MORC1: variants seen among roughly 807,000 people sequenced by gnomAD.
MORC1 encodes the protein MORC family CW-type zinc finger protein 1.
MORC1 carries 59 observed loss-of-function variants against 134.9 expected under a neutral mutation model. That is an observed-to-expected ratio of 0.44 (90% confidence interval 0.35 to 0.54). The LOEUF is 0.54. Ranked by LOEUF, MORC1 falls within the 20% of genes least tolerant of loss-of-function variation. MORC1 has a pLI of 0.00. For missense variants in MORC1, 947 were observed against 1,134.5 expected, an observed-to-expected ratio of 0.83 and a Z score of 2.37; for synonymous variants, 395 against 391.7, an observed-to-expected ratio of 1.01 and a Z score of -0.10.
intron 8 of MORC1, among the ~76,000 whole-genome samples, chr3:109,085,689 G>T (rs1477759809): frequency 6.6e-6 from 1 of 152,036 alleles, no homozygotes; most frequent in Non-Finnish European, 1.5e-5. Flanking sequence ...CCATTTTGGA[G>T]AATAGTATGA....
At position 109,056,589 on chromosome 3, in the gene MORC1, T is replaced by C. The variant is rs144009534; in HGVS notation, c.1175+754A>G. 9.7e-3 allele frequency among the ~76,000 whole-genome samples: 1,481 copies of C among 152,376 alleles called. 20 individuals are homozygous for C. The highest frequency in any genetic ancestry group is 0.037 in the South Asian group (178 of 4,832). On this transcript the variant is annotated intron_variant, in intron 13 of 27. Coordinates refer to ENST00000232603, the MANE Select transcript of MORC1 (RefSeq NM_014429.4). ...ATACAATATAAAAAATATGCATTTA[T>C]ATGCTTGTCCTTTTCACTGGACTAT...
chr3:108,981,518 A>G (rs1347608258), intron 23 of MORC1, among the ~76,000 whole-genome samples: 1 of 152,158 alleles, frequency 6.6e-6, no homozygotes, highest in Non-Finnish European at 1.5e-5. Flanking sequence ...TTCTTTAACC[A>G]TTTTAGGGAT....
chr3:109,069,639 T>C lies in MORC1; in HGVS notation c.808A>G (p.Arg270Gly). 6.3e-7 allele frequency: 1 copy of C among 1,595,026 alleles called. No individual in the cohort carries two copies. Among genetic ancestry groups the C allele is most frequent in the Non-Finnish European group, 8.6e-7 (1 of 1,168,304 alleles). ...TGAAGAAAGATGAGTTACCTGGGTCTGTAGAGGCAATAGCAAAGATGTTTA... is the reference window on the plus strand; with the variant it reads ...TGAAGAAAGATGAGTTACCTGGGTCCGTAGAGGCAATAGCAAAGATGTTTA... The part of the protein sequence containing the change: ...KTKHLCYCLY[R>G]PRKYLYVTSS... Residue 270 changes from arginine to glycine, a missense_variant, in exon 9 of 28, where the codon AGA becomes GGA. Physicochemically the swap from Arg to Gly is moderately radical, Grantham distance 125. Coordinates refer to ENST00000232603, the MANE Select transcript of MORC1 (RefSeq NM_014429.4).
chr3:109,099,607 A>ATTT, intron 5 of MORC1, 141 bp from the exon 6 acceptor site: 3 of 470,348 alleles, frequency 6.4e-6, no homozygotes, highest in African/African-American at 2.1e-5. Flanking sequence ...AGAGGGTACA[A>ATTT]TTTTTTTTTT....
At chr3:109,107,042 C>T (rs1325054460) in intron 3 of MORC1, among the ~76,000 whole-genome samples, 1 of 152,184 alleles carries the variant, frequency 6.6e-6, no homozygotes, top group Non-Finnish European at 1.5e-5. Context: ...AAACACTCCC[C>T]TTGAACAAAT....
chr3:108,971,329 C>G lies in MORC1; in HGVS notation c.2550+1G>C. The G allele has an allele frequency of 6.2e-7, 1 of 1,612,922 alleles. No homozygotes were observed. The highest frequency in any genetic ancestry group is 8.5e-7 in the Non-Finnish European group (1 of 1,179,246). ...CACAGTTCCAAAAAAAACCAGCTTA[C>G]CTCACAACTTAATGCAGGTTCTTCC... On this transcript the variant is annotated splice_donor_variant, in intron 25 of 27. Transcript: ENST00000232603. LOFTEE classifies it high-confidence loss of function.
chr3:108,990,722 C>G (rs987134748), intron 21 of MORC1, among the ~76,000 whole-genome samples: 2 of 152,000 alleles, frequency 1.3e-5, no homozygotes, highest in Non-Finnish European at 2.9e-5. Context: ...TGCTGGATCC[C>G]TATTGTTTAG....
intron 2 of MORC1, among the ~76,000 whole-genome samples, chr3:109,112,866 G>A (rs1951199008): frequency 6.6e-6 from 1 of 152,176 alleles, no homozygotes; most frequent in Non-Finnish European, 1.5e-5. Flanking sequence ...TACAAATGCT[G>A]CTCTAAGAAT....
chr3:108,974,063 C>A (rs1947479442), intron 24 of MORC1, among the ~76,000 whole-genome samples: 1 of 152,050 alleles, frequency 6.6e-6, no homozygotes, highest in African/African-American at 2.4e-5. Context: ...CAGGCCCAAG[C>A]AAGTTCCCTG....
chr3:109,071,976 C>T (rs559155674), intron 8 of MORC1, among the ~76,000 whole-genome samples: 88 of 152,286 alleles, frequency 5.8e-4, no homozygotes, highest in Admixed American at 7.2e-4. Context: ...GAATAGACAC[C>T]TGCTATGTTA....
intron 8 of MORC1, among the ~76,000 whole-genome samples, chr3:109,077,626 G>GA (rs1415470385): frequency 1.3e-5 from 2 of 151,514 alleles, no homozygotes; most frequent in Non-Finnish European, 2.9e-5. Flanking sequence ...TTCCTTTTGG[G>GA]AAAAAAACCA....
intron 7 of MORC1, 48 bp downstream of exon 7, chr3:109,094,861 C>A (rs1262560780): frequency 2.0e-6 from 3 of 1,499,066 alleles, no homozygotes; most frequent in Non-Finnish European, 2.7e-6. Flanking sequence ...TGATAAGACA[C>A]TGAAAACAAA....
chr3:109,069,058 A>C (rs991418472), intron 9 of MORC1, among the ~76,000 whole-genome samples: 5 of 152,204 alleles, frequency 3.3e-5, no homozygotes, highest in African/African-American at 1.2e-4. Context: ...GGGGAGGCTG[A>C]GACAGGAGAA....
chr3:109,059,742 G>A, intron 12 of MORC1, 64 bp downstream of exon 12: 4 of 1,451,132 alleles, frequency 2.8e-6, no homozygotes, highest in Non-Finnish European at 3.8e-6. Flanking sequence ...TGCCTACTTA[G>A]AAACCAGAAT....
At chr3:109,101,041 T>C (rs1384450429) in intron 4 of MORC1, among the ~76,000 whole-genome samples, 1 of 152,170 alleles carries the variant, frequency 6.6e-6, no homozygotes, top group African/African-American at 2.4e-5. Flanking sequence ...GACCTAACCA[T>C]GTGGCCTTAG....
At chr3:108,980,633 G>C (rs1010500023) in intron 23 of MORC1, among the ~76,000 whole-genome samples, 1 of 152,176 alleles carries the variant, frequency 6.6e-6, no homozygotes, top group Non-Finnish European at 1.5e-5. Flanking sequence ...TTGTTAATTA[G>C]ACTCTGCAAG....
At chr3:108,962,214 C>G (rs1044498062) in intron 27 of MORC1, among the ~76,000 whole-genome samples, 4 of 151,784 alleles carry the variant, frequency 2.6e-5, no homozygotes, top group African/African-American at 9.7e-5. Flanking sequence ...AACATTTTAA[C>G]TGTTGCCTAG....
chr3:109,053,039 A>G (rs1949866289), intron 14 of MORC1, among the ~76,000 whole-genome samples: 1 of 152,080 alleles, frequency 6.6e-6, no homozygotes, highest in Admixed American at 6.6e-5. Context: ...AAATCACCAG[A>G]GAAATGCAAA....
intron 9 of MORC1, among the ~76,000 whole-genome samples, chr3:109,067,298 TATTTTAAGAC>T (rs967892856): frequency 1.3e-5 from 2 of 152,192 alleles, no homozygotes; most frequent in Non-Finnish European, 1.5e-5. Context: ...ATATAAACAA[TATTTTAAGAC>T]TCCAAGAATT....
Sources: allele counts gnomAD v4.1 joint callset (sites outside exome capture counted in the v4.1 genomes callset), GRCh38; gene constraint gnomAD v4.1.1; transcripts MANE v1.5; gene names NCBI Gene and HGNC (gene_info 2026-07-23, HGNC 2026-07-21).